Variants in UGT3A1 observed in about 807,000 individuals in gnomAD.
UGT3A1 encodes UDP glycosyltransferase family 3 member A1, also known as UDP-glycosyltransferase 3A1.
Under a neutral mutation model 37.6 loss-of-function variants are expected in UGT3A1, and 40 were observed. The observed-to-expected ratio is 1.06, with a 90% CI of 0.83 to 1.38. UGT3A1 has a LOEUF of 1.38. Ranked by LOEUF, UGT3A1 falls within the 40% of genes most tolerant of loss-of-function variation. The probability of loss-of-function intolerance (pLI) is 0.00; values close to 1 mark genes in which losing one functional copy is unlikely to be tolerated. For missense variants in UGT3A1, 642 were observed against 634.2 expected (o/e 1.01, Z -0.13); for synonymous variants, 256 against 232.3 (o/e 1.10, Z -0.93).
At chr5:35,979,644 C>G (rs866382501) in intron 2 of UGT3A1, among the ~76,000 whole-genome samples, 1 of 152,218 alleles carries the variant, frequency 6.6e-6, no homozygotes, top group Non-Finnish European at 1.5e-5. Context: ...GCCCTCCAAA[C>G]TGTTCCAACC....
chr5:35,978,577 T>A (rs997732850), intron 2 of UGT3A1, among the ~76,000 whole-genome samples: 2 of 152,062 alleles, frequency 1.3e-5, no homozygotes, highest in Non-Finnish European at 2.9e-5. Context: ...AAGAACAGCA[T>A]GGGAAAGAAC....
At chr5:35,963,873 G>C (rs1739689849) in intron 4 of UGT3A1, among the ~76,000 whole-genome samples, 3 of 152,196 alleles carry the variant, frequency 2.0e-5, no homozygotes, top group Admixed American at 6.5e-5. Context: ...TGTCGGAATG[G>C]GGGGTGGGGA....
At chr5:35,975,982 T>C (rs114159321) in intron 2 of UGT3A1, among the ~76,000 whole-genome samples, 2,456 of 152,258 alleles carry the variant, frequency 0.016, 26 homozygotes, top group Non-Finnish European at 0.025. Context: ...CAAGGATTCA[T>C]GGGTTCAGGT....
intron 4 of UGT3A1, chr5:35,961,076 A>C (rs1037442561): frequency 2.0e-5 from 3 of 152,232 alleles, no homozygotes; most frequent in Non-Finnish European, 4.4e-5. Context: ...ACAGGAATGC[A>C]TGTTCTCAGT....
At position 35,991,333 on chromosome 5, in the gene UGT3A1, C is replaced by T. The variant is rs1270112584; in HGVS notation, c.-93G>A. Reference sequence around the variant, plus strand: ...TGCGCGCCTCAGTACTCCAAAGGCACTGGCTGTGGGCCTAGGAAGAGGTAG... The same window carrying T: ...TGCGCGCCTCAGTACTCCAAAGGCATTGGCTGTGGGCCTAGGAAGAGGTAG... On this transcript the variant is annotated 5_prime_UTR_variant, in exon 1 of 7. The change creates a new upstream start codon in the 5' untranslated region. Transcript: ENST00000274278. 2.5e-6 allele frequency: 4 copies of T among 1,574,270 alleles called. No individual in the cohort carries two copies. The East Asian group carries it at 9.0e-5, about 35-fold the overall frequency.
chr5:35,971,770 C>T (rs1740049591), intron 2 of UGT3A1, among the ~76,000 whole-genome samples: 1 of 152,148 alleles, frequency 6.6e-6, no homozygotes, highest in Non-Finnish European at 1.5e-5. Flanking sequence ...AAACTGTAAA[C>T]ATTTCTCGTC....
chr5:35,973,368 G>A (rs1422240840), intron 2 of UGT3A1, among the ~76,000 whole-genome samples: 1 of 152,130 alleles, frequency 6.6e-6, no homozygotes, highest in East Asian at 1.9e-4. Context: ...AGTATGTGAG[G>A]TAATGGTGAA....
intron 4 of UGT3A1, among the ~76,000 whole-genome samples, chr5:35,959,142 T>TC (rs1049367330): frequency 6.6e-6 from 1 of 152,032 alleles, no homozygotes; most frequent in Admixed American, 6.5e-5. Flanking sequence ...CACACAAAAG[T>TC]CCAGATGAGA....
chr5:35,984,541 C>T (rs1472048021), intron 2 of UGT3A1, among the ~76,000 whole-genome samples: 3 of 148,856 alleles, frequency 2.0e-5, no homozygotes, highest in South Asian at 4.3e-4. Context: ...GGGGCAAACT[C>T]GGCTCACTAC....
intron 2 of UGT3A1, among the ~76,000 whole-genome samples, chr5:35,972,057 C>A (rs1018577532): frequency 6.6e-6 from 1 of 151,660 alleles, no homozygotes; most frequent in Non-Finnish European, 1.5e-5. Context: ...AAGCGCACCA[C>A]CCTCAAGTCC....
chr5:35,996,974 A>G (rs900374687), intron 2 of UGT3A1, among the ~76,000 whole-genome samples: 6 of 152,198 alleles, frequency 3.9e-5, no homozygotes, highest in Admixed American at 2.6e-4. Flanking sequence ...AAAGGTAGAG[A>G]AAAACCCAAA....
chr5:35,962,472 G>T (rs1739625191), intron 4 of UGT3A1: 1 of 160,980 alleles, frequency 6.2e-6, no homozygotes, highest in East Asian at 1.8e-4. Context: ...ACCCAGAGGA[G>T]CAGAGCTGGA....
Position 35,954,437 on chromosome 5 carries a change from G to C in UGT3A1, c.1337C>G (p.Ser446Cys). Residue 446 changes from serine (S) to cysteine (C), a missense_variant, in exon 7 of 7, where the codon TCT becomes TGT. By Grantham distance (112) the Ser-to-Cys change is moderately radical (BLOSUM62 -1). Coordinates refer to ENST00000274278, the MANE Select transcript of UGT3A1 (RefSeq NM_152404.4). The stretch of plus-strand genomic sequence containing the variant: ...CCGCTGTGCGGGGCTCAGGGGCTGA[G>C]AGTGCAGGATGACACTGGCTGCCAC... ...AVVAASVILH[S>C]QPLSPAQRLV... The C allele has an allele frequency of 6.2e-7, 1 of 1,614,236 alleles. No homozygotes were observed. The highest frequency in any genetic ancestry group is 8.5e-7 in the Non-Finnish European group (1 of 1,180,036).
chr5:35,979,417 C>G (rs1216715104), intron 2 of UGT3A1, among the ~76,000 whole-genome samples: 1 of 152,062 alleles, frequency 6.6e-6, no homozygotes, highest in Non-Finnish European at 1.5e-5. Context: ...CACCAGATAC[C>G]CTAAATCATC....
intron 2 of UGT3A1, among the ~76,000 whole-genome samples, chr5:35,972,744 A>G (rs1414790784): frequency 1.3e-5 from 2 of 152,156 alleles, no homozygotes; most frequent in African/African-American, 4.8e-5. Flanking sequence ...TGGGATATTT[A>G]TATCAAACTA....
At chr5:35,974,074 A>G (rs1740159686) in intron 2 of UGT3A1, among the ~76,000 whole-genome samples, 1 of 152,218 alleles carries the variant, frequency 6.6e-6, no homozygotes, top group Non-Finnish European at 1.5e-5. Context: ...AGCCCTGGAA[A>G]CAAGAGGAGG....
At position 35,969,129 on chromosome 5, in the gene UGT3A1, G is replaced by C. The variant is rs1294127605; in HGVS notation, c.197-996C>G. Among the ~76,000 whole-genome samples, 4 of 152,288 alleles carry C rather than the reference G, an allele frequency of 2.6e-5. No individual in the cohort carries two copies. The East Asian group carries it at 7.7e-4, about 29-fold the overall frequency. On this transcript the variant is annotated intron_variant, in intron 2 of 6. Transcript: ENST00000274278. ...CATTGTAAAGAGCACTCAGGGTTAA[G>C]ACTGACATCAGTGCAATATATGATC...
At chr5:35,989,487 G>A (rs1410512313) in intron 1 of UGT3A1, among the ~76,000 whole-genome samples, 2 of 152,218 alleles carry the variant, frequency 1.3e-5, no homozygotes, top group South Asian at 4.1e-4. Context: ...GTGCGCAGCT[G>A]TCTGAATGAC....
chr5:35,979,741 T>C (rs1443011326), intron 2 of UGT3A1, among the ~76,000 whole-genome samples: 2 of 152,208 alleles, frequency 1.3e-5, no homozygotes, highest in Non-Finnish European at 2.9e-5. Flanking sequence ...CAATTTACTG[T>C]ATTAGTCTGC....
Sources: gnomAD v4.1 joint callset for allele counts (sites outside exome capture counted in the v4.1 genomes callset) on GRCh38, gnomAD v4.1.1 for gene constraint, MANE v1.5 for transcripts, NCBI Gene and HGNC (gene_info 2026-07-23, HGNC 2026-07-21) for gene names.